Variants in NSRP1 observed in about 807,000 individuals in gnomAD.
The protein encoded by NSRP1 is coiled-coil domain containing 55.
NSRP1 carries 24 observed loss-of-function variants against 54.7 expected under a neutral mutation model. The ratio of observed to expected loss-of-function variants is 0.44; its 90% CI spans 0.32 to 0.62. The LOEUF is 0.62. NSRP1 is among the 20% of genes least tolerant of loss of function. The probability of loss-of-function intolerance (pLI) is 0.06; values close to 1 mark genes in which losing one functional copy is unlikely to be tolerated. For missense variants in NSRP1, 596 were observed against 651.2 expected, an observed-to-expected ratio of 0.92 and a Z score of 0.92; for synonymous variants, 210 against 213.8, an observed-to-expected ratio of 0.98 and a Z score of 0.15.
At position 30,185,476 on chromosome 17, in the gene NSRP1, A is replaced by G. The variant is rs1379537386; in HGVS notation, c.1479A>G (p.Glu493=). ...ACCAAGAGAAACCCTCTAATTCTGA[A>G]TCATCACTGGGAGCAAAACACAGAC... ...ERNQEKPSNS[E]SSLGAKHRLT... is the part of the protein sequence containing the mutation. Residue 493 remains glutamate, a synonymous_variant, in exon 7 of 7, where the codon GAA becomes GAG. Coordinates refer to ENST00000247026, the MANE Select transcript of NSRP1 (RefSeq NM_032141.4). 6.2e-7 allele frequency: 1 copy of G among 1,612,312 alleles called. No individual in the cohort carries two copies. The highest frequency in any genetic ancestry group is 8.5e-7 in the Non-Finnish European group (1 of 1,179,632).
chr17:30,130,967 C>G (rs78405891), intron 2 of NSRP1, among the ~76,000 whole-genome samples: 3,530 of 152,222 alleles, frequency 0.023, 130 homozygotes, highest in African/African-American at 0.081. Flanking sequence ...AAGCCACTGC[C>G]TTTATGGCAC....
At position 30,130,768 on chromosome 17, in the gene NSRP1, A is replaced by C. The variant is rs533667581; in HGVS notation, c.114+12595A>C. Among the ~76,000 whole-genome samples the C allele has an allele frequency of 1.4e-3, 208 of 152,284 alleles. No individual in the cohort carries two copies. The Middle Eastern group carries it at 0.02, about 15-fold the overall frequency. The stretch of plus-strand genomic sequence containing the variant: ...CAAATAATGTTGAATTGTTTTTTCC[A>C]GGAATACACTGTTTCTTTTTCTCTA... On this transcript the variant is annotated intron_variant, in intron 2 of 6. Transcript: ENST00000247026.
intron 2 of NSRP1, among the ~76,000 whole-genome samples, chr17:30,137,698 C>G (rs1255485813): frequency 6.6e-6 from 1 of 152,096 alleles, no homozygotes; most frequent in East Asian, 1.9e-4. Context: ...TTTGTCAGCT[C>G]TTTTTTCAGC....
At chr17:30,121,989 A>G (rs1280919215) in intron 2 of NSRP1, among the ~76,000 whole-genome samples, 1 of 152,086 alleles carries the variant, frequency 6.6e-6, no homozygotes, top group Admixed American at 6.6e-5. Flanking sequence ...AAACCCTGGC[A>G]ACCACTAATT....
Position 30,185,227 on chromosome 17 carries a change from GGAAGA to G in NSRP1, c.1234_1238del (p.Glu412LysfsTer16), listed in dbSNP as rs1905480417. ...ACCGACCCAGTGAGAAAGGAGAGAA[GGAAGA>G]GAAAAGCAAAGCAAAGGAAGAGCAT... On this transcript the variant is annotated frameshift_variant, in exon 7 of 7. Coordinates refer to ENST00000247026, the MANE Select transcript of NSRP1 (RefSeq NM_032141.4). LOFTEE classifies it high-confidence loss of function. 6.3e-7 allele frequency: 1 copy of G among 1,577,142 alleles called. No homozygotes were observed. Among genetic ancestry groups the G allele is most frequent in the South Asian group, 1.2e-5 (1 of 86,702 alleles).
chr17:30,126,786 G>C (rs1324379082), intron 2 of NSRP1, among the ~76,000 whole-genome samples: 3 of 152,090 alleles, frequency 2.0e-5, no homozygotes. Context: ...ACAGGGTTTC[G>C]CCATGTTGCC....
intron 6 of NSRP1, among the ~76,000 whole-genome samples, chr17:30,181,691 A>C (rs540743508): frequency 6.7e-6 from 1 of 149,910 alleles, no homozygotes; most frequent in African/African-American, 2.5e-5. Context: ...GCTTACTGCA[A>C]CCTCTGCCTC....
At chr17:30,127,910 T>A (rs1219509762) in intron 2 of NSRP1, 1 of 398,050 alleles carries the variant, frequency 2.5e-6, no homozygotes, top group Non-Finnish European at 4.4e-6. Context: ...TCACAACTCA[T>A]GGCAGCCTCA....
intron 1 of NSRP1, 190 bp downstream of exon 1, chr17:30,117,053 A>C: frequency 1.3e-6 from 1 of 787,108 alleles, no homozygotes; most frequent in Non-Finnish European, 2.3e-6. Flanking sequence ...GGAAGCCCGA[A>C]GTTTGAGGGA....
rs1375824145 is a variant in NSRP1 at position 30,178,090 on chromosome 17, A to G, written c.191A>G (p.Lys64Arg). The change falls in exon 4 of 7, where the codon AAG (lysine) becomes AGG (arginine). Residue 64 changes from lysine (K) to arginine (R), a missense_variant. By Grantham distance (26) the Lys-to-Arg change is conservative. Transcript: ENST00000247026. ...AMKQTKLEIQ[K>R]ALAEDATVYE... is the part of the protein sequence containing the mutation. ...TTTAAGACCAAACTGGAAATCCAGA[A>G]GGCCCTTGCAGAAGATGCTACTGTG... 1.9e-6 allele frequency: 3 copies of G among 1,612,098 alleles called. No individual in the cohort carries two copies. Among genetic ancestry groups the G allele is most frequent in the Non-Finnish European group, 2.5e-6 (3 of 1,179,530 alleles).
At position 30,135,549 on chromosome 17, in the gene NSRP1, C is replaced by T. The variant is rs567515981; in HGVS notation, c.114+17376C>T. On this transcript the variant is annotated intron_variant, in intron 2 of 6. Transcript: ENST00000247026. ...AGTGCAGTGGCGCGATCTCGGCTCA[C>T]TGCAAGCTTCACCTCCCGGGTTCAC... is the stretch of plus-strand genomic sequence containing the variant. Among the ~76,000 whole-genome samples, 9 of 152,088 alleles carry T rather than the reference C, an allele frequency of 5.9e-5. No homozygotes were observed. The South Asian group carries it at 1.9e-3, about 32-fold the overall frequency.
chr17:30,160,958 C>T (rs79842383), intron 2 of NSRP1, among the ~76,000 whole-genome samples: 2,117 of 152,150 alleles, frequency 0.014, 48 homozygotes, highest in African/African-American at 0.046. Context: ...TTTCTCATTG[C>T]GTAACCAGGA....
chr17:30,157,635 T>C (rs577334170), intron 2 of NSRP1, among the ~76,000 whole-genome samples: 3 of 152,208 alleles, frequency 2.0e-5, no homozygotes, highest in Non-Finnish European at 4.4e-5. Context: ...CTTCTTATAG[T>C]CTTTGTCTCT....
At chr17:30,182,197 T>C (rs139504478) in intron 6 of NSRP1, among the ~76,000 whole-genome samples, 296 of 152,276 alleles carry the variant, frequency 1.9e-3, no homozygotes, top group Non-Finnish European at 3.1e-3. Context: ...ATAAGTCTTA[T>C]ATACATGTTC....
At chr17:30,144,098 G>A (rs2071830326) in intron 2 of NSRP1, 1 of 151,572 alleles carries the variant, frequency 6.6e-6, no homozygotes, top group East Asian at 1.9e-4. Flanking sequence ...GACTATATGC[G>A]AGTGTCAGGG....
In NSRP1 at chr17:30,178,106, T is replaced by C. The variant is rs752681070; in HGVS notation, c.207T>C (p.Asp69=). 6.2e-7 allele frequency: 1 copy of C among 1,612,348 alleles called. No homozygotes were observed. Among genetic ancestry groups the C allele is most frequent in the Non-Finnish European group, 8.5e-7 (1 of 1,179,404 alleles). The part of the protein sequence containing the change: ...KLEIQKALAE[D]ATVYEYDSIY... ...AAATCCAGAAGGCCCTTGCAGAAGA[T>C]GCTACTGTGTATGAATATGACAGTA... The change falls in exon 4 of 7, where the codon GAT becomes GAC. Residue 69 remains aspartate, a synonymous_variant. Coordinates refer to ENST00000247026, the MANE Select transcript of NSRP1 (RefSeq NM_032141.4).
chr17:30,132,958 G>A (rs1597597709), intron 2 of NSRP1, among the ~76,000 whole-genome samples: 1 of 152,012 alleles, frequency 6.6e-6, no homozygotes, highest in East Asian at 1.9e-4. Flanking sequence ...TTGTTTTTTC[G>A]AGACAAGGTC....
intron 2 of NSRP1, among the ~76,000 whole-genome samples, chr17:30,138,620 A>T (rs551175882): frequency 3.3e-5 from 5 of 152,176 alleles, no homozygotes; most frequent in African/African-American, 1.2e-4. Flanking sequence ...TTTTCAAACC[A>T]TGGTTGGTTG....
chr17:30,117,645 A>G (rs1443535033), intron 1 of NSRP1: 1 of 335,130 alleles, frequency 3.0e-6, no homozygotes, highest in Non-Finnish European at 5.4e-6. Flanking sequence ...GAAACTGTGT[A>G]AGTACACAGT....
Sources: allele counts gnomAD v4.1 joint callset (sites outside exome capture counted in the v4.1 genomes callset), GRCh38; gene constraint gnomAD v4.1.1; transcripts MANE v1.5; gene names NCBI Gene and HGNC (gene_info 2026-07-23, HGNC 2026-07-21).